The following KCNQ3 variants were observed in gnomAD, a reference collection of about 807,000 sequenced individuals.
KCNQ3 encodes potassium voltage-gated channel subfamily Q member 3.
KCNQ3 carries 30 observed loss-of-function variants against 92.5 expected under a neutral mutation model. The ratio of observed to expected loss-of-function variants is 0.32; its 90% CI spans 0.24 to 0.44. KCNQ3 has a LOEUF of 0.44. Ranked by LOEUF, KCNQ3 falls within the 20% of genes least tolerant of loss-of-function variation. The pLI, the probability that KCNQ3 is intolerant of heterozygous loss-of-function variation, is 1.00. For missense variants in KCNQ3, 913 were observed against 1,140.3 expected (o/e 0.80, Z 2.87); for synonymous variants, 450 against 468.8 (o/e 0.96, Z 0.52).
chr8:132,298,771 T>C (rs1023138231), intron 1 of KCNQ3, among the ~76,000 whole-genome samples: 1 of 152,072 alleles, frequency 6.6e-6, no homozygotes. Flanking sequence ...TTGCTGGGCA[T>C]GGTGGCGGGC....
chr8:132,209,540 CACAA>C (rs34089466), intron 1 of KCNQ3, among the ~76,000 whole-genome samples: 11,694 of 147,326 alleles, frequency 0.079, 523 homozygotes, highest in East Asian at 0.14. Context: ...CACACACACA[CACAA>C]ACACACACAC....
rs1304351454 is a variant in KCNQ3 at position 132,125,354 on chromosome 8, G to A, written c.*3908C>T. 1 of 152,154 alleles carries A rather than the reference G, an allele frequency of 6.6e-6. No individual in the cohort carries two copies. The highest frequency in any genetic ancestry group is 1.5e-5 in the Non-Finnish European group (1 of 68,028). The allele number at this position is 152,154 out of a possible 1,614,324, so 9.4% of individuals were successfully genotyped here. A position where few individuals can be genotyped will look rare whatever the true frequency, so the allele number is the denominator to read the frequency against. ...TAGGAAGCATTTCTGTCTGTATAGA[G>A]TTGTTTGCAGGGATGAAATCAGGTA... On this transcript the variant is annotated 3_prime_UTR_variant, in exon 15 of 15. Coordinates refer to ENST00000388996, the MANE Select transcript of KCNQ3 (RefSeq NM_004519.4).
chr8:132,382,218 C>A (rs532704766), intron 1 of KCNQ3, among the ~76,000 whole-genome samples: 10 of 152,110 alleles, frequency 6.6e-5, no homozygotes, highest in Non-Finnish European at 1.5e-4. Flanking sequence ...AAATGTGATC[C>A]CCGGTGTTGG....
At chr8:132,337,615 G>A (rs78189793) in intron 1 of KCNQ3, among the ~76,000 whole-genome samples, 5,242 of 152,174 alleles carry the variant, frequency 0.034, 294 homozygotes, top group African/African-American at 0.12. Flanking sequence ...TTGATTAACG[G>A]TTTGGGACTC....
At chr8:132,245,702 T>C in intron 1 of KCNQ3, among the ~76,000 whole-genome samples, 1 of 152,208 alleles carries the variant, frequency 6.6e-6, no homozygotes, top group East Asian at 1.9e-4. Flanking sequence ...CCATTCCGTG[T>C]ATGTCTCAGA....
rs546775742 is a variant in KCNQ3 at position 132,164,120 on chromosome 8, G to T, written c.1236-626C>A. 2.0e-5 allele frequency among the ~76,000 whole-genome samples: 3 copies of T among 152,094 alleles called. No homozygotes were observed. The South Asian group carries it at 6.2e-4, about 32-fold the overall frequency. ...CCAGCCGTGCTTTACACATATTCATGACTCCAAGCCTTTTCTCAGGCTCTC... is the reference window on the plus strand; with the variant it reads ...CCAGCCGTGCTTTACACATATTCATTACTCCAAGCCTTTTCTCAGGCTCTC... On this transcript the variant is annotated intron_variant, in intron 8 of 14. Transcript: ENST00000388996.
At chr8:132,374,650 AT>A (rs1255637773) in intron 1 of KCNQ3, among the ~76,000 whole-genome samples, 3 of 151,988 alleles carry the variant, frequency 2.0e-5, no homozygotes, top group African/African-American at 7.3e-5. Flanking sequence ...CCCAATACTA[AT>A]TTTTTTCTGC....
At position 132,168,455 on chromosome 8, in the gene KCNQ3, G is replaced by A. The variant is rs146810554; in HGVS notation, c.1235+1879C>T. On this transcript the variant is annotated intron_variant, in intron 8 of 14. Coordinates refer to ENST00000388996, the MANE Select transcript of KCNQ3 (RefSeq NM_004519.4). ...AAGGGGATCAAAAATATTAGTGGAC[G>A]GAGTGCCCTGAGTGCCCTGAACAGA... Among the ~76,000 whole-genome samples, 450 of 152,228 alleles carry A rather than the reference G, an allele frequency of 3.0e-3. 4 individuals are homozygous for A. Among genetic ancestry groups the A allele is most frequent in the African/African-American group, 0.01 (424 of 41,520 alleles).
chr8:132,440,077 A>G (rs1821497268), intron 1 of KCNQ3, among the ~76,000 whole-genome samples: 1 of 152,232 alleles, frequency 6.6e-6, no homozygotes. Flanking sequence ...ACCTGATACA[A>G]TGCAAATGCT....
intron 1 of KCNQ3, among the ~76,000 whole-genome samples, chr8:132,279,826 A>T (rs534233352): frequency 5.3e-5 from 8 of 151,056 alleles, no homozygotes; most frequent in African/African-American, 1.9e-4. Flanking sequence ...ATATGCATAC[A>T]TATATGTGCG....
intron 1 of KCNQ3, among the ~76,000 whole-genome samples, chr8:132,231,758 C>A (rs987162630): frequency 6.6e-6 from 1 of 152,182 alleles, no homozygotes; most frequent in African/African-American, 2.4e-5. Context: ...ATACACATGC[C>A]AATCCTCTGC....
chr8:132,239,840 A>G (rs911572645), intron 1 of KCNQ3, among the ~76,000 whole-genome samples: 2 of 152,208 alleles, frequency 1.3e-5, no homozygotes, highest in Non-Finnish European at 2.9e-5. Flanking sequence ...CTATGTTCGG[A>G]GAAAAATTCC....
chr8:132,167,211 G>C (rs969467249), intron 8 of KCNQ3, among the ~76,000 whole-genome samples: 1 of 152,194 alleles, frequency 6.6e-6, no homozygotes, highest in Non-Finnish European at 1.5e-5. Flanking sequence ...ATTATACTAT[G>C]AAACGTTCAG....
chr8:132,366,065 G>T (rs1819314966), intron 1 of KCNQ3, among the ~76,000 whole-genome samples: 1 of 152,138 alleles, frequency 6.6e-6, no homozygotes, highest in African/African-American at 2.4e-5. Flanking sequence ...AAACTATATA[G>T]AGAAATACAG....
chr8:132,271,102 A>C (rs1816133628), intron 1 of KCNQ3, among the ~76,000 whole-genome samples: 2 of 152,254 alleles, frequency 1.3e-5, no homozygotes, highest in Admixed American at 6.5e-5. Context: ...GATACAGAAA[A>C]GACAACCTGG....
Position 132,350,351 on chromosome 8 carries a change from G to A in KCNQ3, c.386+129796C>T, listed in dbSNP as rs80042040. Among the ~76,000 whole-genome samples the A allele has an allele frequency of 5.1e-3, 781 of 152,290 alleles. 10 individuals are homozygous for A. Among genetic ancestry groups the A allele is most frequent in the South Asian group, 0.013 (62 of 4,820 alleles). On this transcript the variant is annotated intron_variant, in intron 1 of 14. Coordinates refer to ENST00000388996, the MANE Select transcript of KCNQ3 (RefSeq NM_004519.4). Reference sequence around the variant, plus strand: ...ACTTTGCTCTAACTCGCCCTAGCTGGTGCCACTGCCAAATGTTTCAGCTTC... The same window carrying A: ...ACTTTGCTCTAACTCGCCCTAGCTGATGCCACTGCCAAATGTTTCAGCTTC...
In KCNQ3 at chr8:132,125,226, C is replaced by G. The variant is rs189307949; in HGVS notation, c.*4036G>C. The G allele has an allele frequency of 6.6e-6, 1 of 152,180 alleles. No individual in the cohort carries two copies. The highest frequency in any genetic ancestry group is 1.5e-5 in the Non-Finnish European group (1 of 68,038). 9.4% of individuals were successfully genotyped at this position (152,180 alleles called of 1,614,324 possible). On this transcript the variant is annotated 3_prime_UTR_variant, in exon 15 of 15. Transcript: ENST00000388996. ...AGCATTGAATCCAAACTCGAAGTCC[C>G]CATTCAACCCACTCAGCCTTGACTG...
chr8:132,252,527 T>C (rs942009427), intron 1 of KCNQ3, among the ~76,000 whole-genome samples: 1 of 152,190 alleles, frequency 6.6e-6, no homozygotes, highest in African/African-American at 2.4e-5. Context: ...CAAGATATAC[T>C]GTGAAGAGCA....
chr8:132,155,022 G>T (rs997451015), intron 9 of KCNQ3, among the ~76,000 whole-genome samples: 6 of 152,190 alleles, frequency 3.9e-5, no homozygotes, highest in African/African-American at 7.2e-5. Context: ...GAGGACAAAA[G>T]AAAGGTCTTC....
Sources: gnomAD v4.1 joint callset for allele counts (sites outside exome capture counted in the v4.1 genomes callset) on GRCh38, gnomAD v4.1.1 for gene constraint, MANE v1.5 for transcripts, NCBI Gene and HGNC (gene_info 2026-07-23, HGNC 2026-07-21) for gene names.